Variants in FBXL7 observed in about 807,000 individuals in gnomAD.
The protein encoded by FBXL7 is F-box and leucine rich repeat protein 7.
A neutral mutation model predicts 38.3 loss-of-function variants in FBXL7; 12 were observed. The ratio of observed to expected loss-of-function variants is 0.31; its 90% confidence interval spans 0.20 to 0.51. The LOEUF (loss-of-function observed/expected upper bound fraction) is 0.51. Among genes scored for constraint, FBXL7 ranks in the 20% least tolerant of loss-of-function variants. FBXL7 has a pLI of 0.98. For missense variants in FBXL7, 567 were observed against 676.4 expected, an observed-to-expected ratio of 0.84 and a Z score of 1.79; for synonymous variants, 297 against 300.9, an observed-to-expected ratio of 0.99 and a Z score of 0.13.
At chr5:15,521,410 A>G (rs1269448178) in intron 1 of FBXL7, among the ~76,000 whole-genome samples, 1 of 152,244 alleles carries the variant, frequency 6.6e-6, no homozygotes, top group Non-Finnish European at 1.5e-5. Flanking sequence ...AAGGTATTAA[A>G]TAAGCAGTGA....
intron 2 of FBXL7, among the ~76,000 whole-genome samples, chr5:15,874,802 T>C (rs1337390011): frequency 6.6e-6 from 1 of 152,274 alleles, no homozygotes; most frequent in African/African-American, 2.4e-5. Context: ...TGCTCATGGA[T>C]AGGAAAAATA....
intron 2 of FBXL7, among the ~76,000 whole-genome samples, chr5:15,704,985 AT>A: frequency 6.6e-6 from 1 of 151,942 alleles, no homozygotes; most frequent in East Asian, 1.9e-4. Flanking sequence ...AAAAAATTAA[AT>A]ATATATATAC....
chr5:15,727,717 A>T (rs528336795), intron 2 of FBXL7, among the ~76,000 whole-genome samples: 191 of 152,234 alleles, frequency 1.3e-3, no homozygotes, highest in African/African-American at 4.5e-3. Context: ...AGGTTACATT[A>T]TTTGGAGTTC....
At chr5:15,633,739 ATATTATTATTAT>A (rs35409501) in intron 2 of FBXL7, among the ~76,000 whole-genome samples, 189 of 143,418 alleles carry the variant, frequency 1.3e-3, no homozygotes, top group Middle Eastern at 7.3e-3. Context: ...AGGGACACAG[ATATTATTATTAT>A]TATTATTATT....
At position 15,619,342 on chromosome 5, in the gene FBXL7, A is replaced by G. The variant is rs184386658; in HGVS notation, c.127+3270A>G. Among the ~76,000 whole-genome samples the G allele has an allele frequency of 4.1e-3, 625 of 152,220 alleles. 2 individuals carry two copies. The highest frequency in any genetic ancestry group is 6.8e-3 in the Middle Eastern group (2 of 294). ...TGTCTCTCCCTGGTTGCGGAATTAC[A>G]CTTTTTAGAGAGACAATGCCAAACC... On this transcript the variant is annotated intron_variant, in intron 2 of 3. Coordinates refer to ENST00000504595, the MANE Select transcript of FBXL7 (RefSeq NM_012304.5).
At chr5:15,647,019 G>C (rs1741552340) in intron 2 of FBXL7, among the ~76,000 whole-genome samples, 1 of 152,184 alleles carries the variant, frequency 6.6e-6, no homozygotes, top group South Asian at 2.1e-4. Flanking sequence ...ATCAGCTAAA[G>C]TTCTCTGATT....
intron 2 of FBXL7, among the ~76,000 whole-genome samples, chr5:15,737,429 C>T (rs75353547): frequency 0.04 from 6,106 of 152,190 alleles, 150 homozygotes; most frequent in East Asian, 0.084. Context: ...AAAACTCAAC[C>T]GACCAAACCA....
At chr5:15,594,341 A>G (rs751257469) in intron 1 of FBXL7, among the ~76,000 whole-genome samples, 1 of 152,230 alleles carries the variant, frequency 6.6e-6, no homozygotes, top group Non-Finnish European at 1.5e-5. Flanking sequence ...AAAACAGTTG[A>G]AAAGGTTAAA....
intron 2 of FBXL7, among the ~76,000 whole-genome samples, chr5:15,735,078 C>T (rs747063805): frequency 3.1e-4 from 47 of 152,130 alleles, no homozygotes; most frequent in Non-Finnish European, 6.0e-4. Flanking sequence ...ATTACAGGCA[C>T]GTGCCACCAT....
At chr5:15,701,961 A>T (rs1356412767) in intron 2 of FBXL7, among the ~76,000 whole-genome samples, 1 of 152,204 alleles carries the variant, frequency 6.6e-6, no homozygotes, top group Non-Finnish European at 1.5e-5. Context: ...GGCTCCAGCC[A>T]GGTGCGGTGG....
intron 2 of FBXL7, among the ~76,000 whole-genome samples, chr5:15,830,862 A>G (rs1357766586): frequency 1.3e-5 from 2 of 152,040 alleles, no homozygotes; most frequent in Non-Finnish European, 2.9e-5. Flanking sequence ...CTCAACTCCA[A>G]ATCCTCTCCC....
intron 2 of FBXL7, among the ~76,000 whole-genome samples, chr5:15,763,134 C>G (rs959039902): frequency 6.6e-6 from 1 of 152,112 alleles, no homozygotes; most frequent in African/African-American, 2.4e-5. Context: ...AATGGAGAGG[C>G]AATATGTATA....
intron 1 of FBXL7, among the ~76,000 whole-genome samples, chr5:15,608,729 G>T (rs550538305): frequency 6.6e-6 from 1 of 152,112 alleles, no homozygotes; most frequent in Admixed American, 6.6e-5. Flanking sequence ...CTTCTGCCTG[G>T]GTTTCCAGCC....
At chr5:15,520,547 GCCAGA>G (rs1737069159) in intron 1 of FBXL7, among the ~76,000 whole-genome samples, 1 of 152,174 alleles carries the variant, frequency 6.6e-6, no homozygotes, top group Non-Finnish European at 1.5e-5. Flanking sequence ...CATGCTATAT[GCCAGA>G]TTCTGGCACA....
chr5:15,816,826 A>C (rs1361495169), intron 2 of FBXL7, among the ~76,000 whole-genome samples: 4 of 152,218 alleles, frequency 2.6e-5, no homozygotes, highest in Non-Finnish European at 4.4e-5. Context: ...TTGATAATCT[A>C]TACACATTTT....
chr5:15,855,842 CAG>C (rs575707524), intron 2 of FBXL7, among the ~76,000 whole-genome samples: 69 of 152,214 alleles, frequency 4.5e-4, no homozygotes, highest in African/African-American at 1.5e-3. Context: ...GAAATAAGAA[CAG>C]AGAGTTTAAA....
At chr5:15,555,216 A>T (rs1738195547) in intron 1 of FBXL7, among the ~76,000 whole-genome samples, 1 of 152,196 alleles carries the variant, frequency 6.6e-6, no homozygotes, top group African/African-American at 2.4e-5. Context: ...ACAGACAGAC[A>T]CACACACCCC....
chr5:15,511,276 G>A (rs1363817971), intron 1 of FBXL7, among the ~76,000 whole-genome samples: 1 of 152,192 alleles, frequency 6.6e-6, no homozygotes, highest in Non-Finnish European at 1.5e-5. Context: ...AATAACTTTG[G>A]CATATAAAAT....
chr5:15,918,569 A>C (rs1488576836), intron 2 of FBXL7, among the ~76,000 whole-genome samples: 1 of 152,232 alleles, frequency 6.6e-6, no homozygotes, highest in African/African-American at 2.4e-5. Context: ...AGGAAAAACA[A>C]AACCCACGCT....
Sources: gnomAD v4.1 joint callset for allele counts (sites outside exome capture counted in the v4.1 genomes callset) on GRCh38, gnomAD v4.1.1 for gene constraint, MANE v1.5 for transcripts, NCBI Gene and HGNC (gene_info 2026-07-23, HGNC 2026-07-21) for gene names.